The following FSHR variants were observed in gnomAD, a reference collection of about 807,000 sequenced individuals.
FSHR encodes follicle-stimulating hormone receptor.
A neutral mutation model predicts 52.1 loss-of-function variants in FSHR; 46 were observed. The observed-to-expected ratio is 0.88, with a 90% CI of 0.70 to 1.13. The LOEUF (loss-of-function observed/expected upper bound fraction) is 1.13, where lower values mean the gene tolerates loss of function less well. Ranked by LOEUF, FSHR falls within the 50% of genes most tolerant of loss-of-function variation. The probability of loss-of-function intolerance (pLI) is 0.00; values close to 1 mark genes in which losing one functional copy is unlikely to be tolerated. For synonymous variants in FSHR, 399 were observed against 309.6 expected, an observed-to-expected ratio of 1.29 and a Z score of -3.03; for missense variants, 964 against 834.6, an observed-to-expected ratio of 1.16 and a Z score of -1.91.
chr2:49,102,139 A>G (rs962191908), intron 1 of FSHR, among the ~76,000 whole-genome samples: 1 of 152,178 alleles, frequency 6.6e-6, no homozygotes, highest in Admixed American at 6.6e-5. Flanking sequence ...AGAGGGCCAC[A>G]TATAGTCCAG....
At chr2:49,075,392 G>A (rs1037883404) in intron 1 of FSHR, among the ~76,000 whole-genome samples, 4 of 151,372 alleles carry the variant, frequency 2.6e-5, no homozygotes, top group African/African-American at 9.7e-5. Flanking sequence ...CTAAAAGAGT[G>A]GAAAGAAAGA....
chr2:49,002,567 T>A (rs1297387887), intron 4 of FSHR, among the ~76,000 whole-genome samples: 1 of 151,970 alleles, frequency 6.6e-6, no homozygotes, highest in Non-Finnish European at 1.5e-5. Flanking sequence ...CAAGAAGAAG[T>A]GCCGAGCAAA....
chr2:48,994,629 T>C (rs1675939103), intron 4 of FSHR, among the ~76,000 whole-genome samples: 2 of 70,404 alleles, frequency 2.8e-5, no homozygotes, highest in African/African-American at 7.1e-5. Context: ...AATAAATTCA[T>C]GCTGATGGAG....
At chr2:49,141,216 C>T (rs953116960) in intron 1 of FSHR, among the ~76,000 whole-genome samples, 1 of 152,054 alleles carries the variant, frequency 6.6e-6, no homozygotes, top group African/African-American at 2.4e-5. Context: ...TCTCTCTCCT[C>T]ATGGAGTAGT....
At chr2:49,081,933 G>A (rs1670184094) in intron 1 of FSHR, among the ~76,000 whole-genome samples, 1 of 152,188 alleles carries the variant, frequency 6.6e-6, no homozygotes, top group Non-Finnish European at 1.5e-5. Flanking sequence ...TGAGAAAGCT[G>A]CCTTTTTATG....
At chr2:49,050,885 A>G (rs1668831197) in intron 2 of FSHR, among the ~76,000 whole-genome samples, 2 of 152,158 alleles carry the variant, frequency 1.3e-5, no homozygotes, top group Non-Finnish European at 2.9e-5. Flanking sequence ...CTGCCTTCCC[A>G]GACAATCCCT....
At chr2:49,000,021 A>G (rs1448911234) in intron 4 of FSHR, among the ~76,000 whole-genome samples, 2 of 152,140 alleles carry the variant, frequency 1.3e-5, no homozygotes, top group East Asian at 3.9e-4. Context: ...GTATTCCATC[A>G]GTCAGCACAC....
intron 4 of FSHR, among the ~76,000 whole-genome samples, chr2:48,992,784 C>A (rs1675844776): frequency 6.6e-6 from 1 of 152,082 alleles, no homozygotes; most frequent in African/African-American, 2.4e-5. Context: ...TCTTTCACAG[C>A]AAAGCTTCTA....
At chr2:49,138,165 A>C (rs918762937) in intron 1 of FSHR, among the ~76,000 whole-genome samples, 2 of 152,178 alleles carry the variant, frequency 1.3e-5, no homozygotes, top group African/African-American at 4.8e-5. Flanking sequence ...AACCACAATG[A>C]AATAGCACTT....
chr2:49,058,675 AAAAT>A (rs1462933187), intron 2 of FSHR, among the ~76,000 whole-genome samples: 1 of 152,170 alleles, frequency 6.6e-6, no homozygotes, highest in Non-Finnish European at 1.5e-5. Flanking sequence ...ACCTGAAAAA[AAAAT>A]AAAGAAGCCC....
At chr2:49,011,767 C>G (rs1667283516) in intron 4 of FSHR, among the ~76,000 whole-genome samples, 1 of 152,090 alleles carries the variant, frequency 6.6e-6, no homozygotes, top group Non-Finnish European at 1.5e-5. Flanking sequence ...CCACTGGATT[C>G]TTTGTGCTTC....
chr2:49,017,654 C>T (rs1371692596), intron 3 of FSHR, 91 bp from the exon 4 acceptor site: 1 of 914,140 alleles, frequency 1.1e-6, no homozygotes, highest in African/African-American at 1.6e-5. Context: ...ATAAATCATT[C>T]ATCCCATCCA....
chr2:48,995,202 A>G (rs552831025), intron 4 of FSHR, among the ~76,000 whole-genome samples: 3 of 152,194 alleles, frequency 2.0e-5, no homozygotes, highest in African/African-American at 7.2e-5. Flanking sequence ...TTATCCAAGG[A>G]GGAAGGCAGA....
intron 1 of FSHR, among the ~76,000 whole-genome samples, chr2:49,144,158 C>T (rs1048257034): frequency 2.0e-5 from 3 of 152,106 alleles, no homozygotes; most frequent in Non-Finnish European, 4.4e-5. Context: ...GGACTTCATC[C>T]TCCAGTAGGA....
In FSHR at chr2:49,007,538, T is replaced by C. The variant is rs371278149; in HGVS notation, c.374+9951A>G. ...GCAGGGTTGAGAACTTTTAGAATTG[T>C]GCAGGATAATGTAGTTTTGCTTGTT... On this transcript the variant is annotated intron_variant, in intron 4 of 9. Transcript: ENST00000406846. Among the ~76,000 whole-genome samples the C allele has an allele frequency of 5.0e-3, 762 of 152,272 alleles. 8 individuals are homozygous for C. The highest frequency in any genetic ancestry group is 0.018 in the African/African-American group (730 of 41,576).
At chr2:49,128,629 C>G (rs1396333950) in intron 1 of FSHR, among the ~76,000 whole-genome samples, 1 of 151,988 alleles carries the variant, frequency 6.6e-6, no homozygotes, top group Admixed American at 6.6e-5. Context: ...TTCTGTTTGA[C>G]TTCTACCTTC....
chr2:49,033,183 A>G (rs1668160062), intron 2 of FSHR, among the ~76,000 whole-genome samples: 3 of 152,218 alleles, frequency 2.0e-5, no homozygotes, highest in African/African-American at 7.2e-5. Flanking sequence ...AGACAAGGTC[A>G]GTGACTGAGT....
chr2:48,999,922 C>A (rs1676182360), intron 4 of FSHR, among the ~76,000 whole-genome samples: 1 of 152,104 alleles, frequency 6.6e-6, no homozygotes, highest in Admixed American at 6.6e-5. Flanking sequence ...AAAGCTAAAG[C>A]ATTTATGTCA....
At chr2:49,011,210 C>G (rs4998052) in intron 4 of FSHR, among the ~76,000 whole-genome samples, 101,625 of 149,372 alleles carry the variant, frequency 0.68, 36,052 homozygotes, top group Admixed American at 0.78. Context: ...ATGCGTCCCA[C>G]AGATTCTGGT....
Sources: allele counts gnomAD v4.1 joint callset (sites outside exome capture counted in the v4.1 genomes callset), GRCh38; gene constraint gnomAD v4.1.1; transcripts MANE v1.5; gene names NCBI Gene and HGNC (gene_info 2026-07-23, HGNC 2026-07-21).